ARHGAP44: variants seen among roughly 807,000 people sequenced by gnomAD.
ARHGAP44 encodes Rho GTPase activating protein 44.
Under a neutral mutation model 106.8 loss-of-function variants are expected in ARHGAP44, and 43 were observed. That is an observed-to-expected ratio of 0.40 (90% CI 0.32 to 0.52). The LOEUF is 0.52. Ranked by LOEUF, ARHGAP44 falls within the 20% of genes least tolerant of loss-of-function variation. The pLI is 0.48. For missense variants in ARHGAP44, 866 were observed against 1,050.5 expected (o/e 0.82, Z 2.43); for synonymous variants, 439 against 410.3 (o/e 1.07, Z -0.85).
At position 12,883,530 on chromosome 17, in the gene ARHGAP44, G is replaced by A. The variant is rs548210393; in HGVS notation, c.54-11410G>A. On this transcript the variant is annotated intron_variant, in intron 1 of 20. Transcript: ENST00000379672. ...TTTTTCTAAATATCATTTTGCTACC[G>A]AACAAATTTGATATACAGTATTTTC... Among the ~76,000 whole-genome samples, 16 of 150,802 alleles carry A rather than the reference G, an allele frequency of 1.1e-4. No individual in the cohort carries two copies. In the East Asian group the frequency reaches 1.6e-3, roughly 15 times the overall value.
intron 7 of ARHGAP44, among the ~76,000 whole-genome samples, chr17:12,937,711 A>G (rs549102873): frequency 6.6e-6 from 1 of 152,246 alleles, no homozygotes; most frequent in African/African-American, 2.4e-5. Flanking sequence ...GAAGTCAACA[A>G]TAAAAATCAA....
At chr17:12,812,040 C>T (rs577981220) in intron 1 of ARHGAP44, among the ~76,000 whole-genome samples, 2 of 152,278 alleles carry the variant, frequency 1.3e-5, no homozygotes, top group East Asian at 1.9e-4. Context: ...ACAGGGCCCA[C>T]GAAGCACACA....
At chr17:12,809,111 C>T (rs1487129291) in intron 1 of ARHGAP44, among the ~76,000 whole-genome samples, 1 of 152,138 alleles carries the variant, frequency 6.6e-6, no homozygotes, top group Non-Finnish European at 1.5e-5. Flanking sequence ...ATTCCAGTTC[C>T]CAACAGGTTC....
intron 1 of ARHGAP44, among the ~76,000 whole-genome samples, chr17:12,811,653 C>T (rs922369004): frequency 2.6e-5 from 4 of 152,088 alleles, no homozygotes; most frequent in Admixed American, 6.5e-5. Flanking sequence ...CTTGTTGGGT[C>T]TGTATTAAGT....
In ARHGAP44 at chr17:12,863,237, G is replaced by A. The variant is rs146804526; in HGVS notation, c.54-31703G>A. 1.3e-4 allele frequency among the ~76,000 whole-genome samples: 20 copies of A among 152,174 alleles called. 1 individual carries two copies. Among genetic ancestry groups the A allele is most frequent in the African/African-American group, 4.6e-4 (19 of 41,540 alleles). ...ACAGATGAGGGAACTGAGACCTGGAGAAGCTAAGCATCTTCACTGGAGAAT... is the reference window on the plus strand; with the variant it reads ...ACAGATGAGGGAACTGAGACCTGGAAAAGCTAAGCATCTTCACTGGAGAAT... On this transcript the variant is annotated intron_variant, in intron 1 of 20. Coordinates refer to ENST00000379672, the MANE Select transcript of ARHGAP44 (RefSeq NM_014859.6).
intron 7 of ARHGAP44, among the ~76,000 whole-genome samples, chr17:12,933,010 C>A (rs1188599811): frequency 6.6e-6 from 1 of 152,068 alleles, no homozygotes; most frequent in African/African-American, 2.4e-5. Flanking sequence ...TTCATGAAAC[C>A]CTACATTGTG....
At chr17:12,796,416 G>A (rs1306283765) in intron 1 of ARHGAP44, among the ~76,000 whole-genome samples, 2 of 152,140 alleles carry the variant, frequency 1.3e-5, no homozygotes, top group African/African-American at 4.8e-5. Context: ...AAGAATATGT[G>A]AATTTTTAAG....
At chr17:12,926,378 A>G (rs1218147770) in intron 6 of ARHGAP44, among the ~76,000 whole-genome samples, 1 of 146,296 alleles carries the variant, frequency 6.8e-6, no homozygotes, top group Admixed American at 7.0e-5. Flanking sequence ...AAAAAATTAT[A>G]TATGTATTAT....
At chr17:12,819,195 T>C (rs2034688066) in intron 1 of ARHGAP44, among the ~76,000 whole-genome samples, 1 of 152,100 alleles carries the variant, frequency 6.6e-6, no homozygotes, top group Non-Finnish European at 1.5e-5. Flanking sequence ...TTAGATCATA[T>C]GGCATGTGTT....
At chr17:12,844,016 C>T (rs1363188572) in intron 1 of ARHGAP44, among the ~76,000 whole-genome samples, 1 of 152,096 alleles carries the variant, frequency 6.6e-6, no homozygotes, top group African/African-American at 2.4e-5. Flanking sequence ...TGTCTTCCCT[C>T]AGTGGGTAGC....
At chr17:12,982,049 C>CA (rs1350555749) in intron 19 of ARHGAP44, among the ~76,000 whole-genome samples, 1 of 152,092 alleles carries the variant, frequency 6.6e-6, no homozygotes. Context: ...CACAGCACTA[C>CA]AATACAGGGG....
chr17:12,810,943 G>A (rs2034420509), intron 1 of ARHGAP44, among the ~76,000 whole-genome samples: 1 of 152,060 alleles, frequency 6.6e-6, no homozygotes, highest in Non-Finnish European at 1.5e-5. Flanking sequence ...CAATCAGTTA[G>A]CACATATTTT....
intron 16 of ARHGAP44, among the ~76,000 whole-genome samples, chr17:12,967,440 C>T (rs775397665): frequency 6.6e-6 from 1 of 151,742 alleles, no homozygotes; most frequent in Non-Finnish European, 1.5e-5. Context: ...TGAATTTGTC[C>T]ACGCTCCCCT....
In ARHGAP44 at chr17:12,990,154, G is replaced by A. The variant is rs2040090619; in HGVS notation, c.2440G>A (p.Glu814Lys). 2 of 1,612,556 alleles carry A rather than the reference G, an allele frequency of 1.2e-6. No homozygotes were observed. The highest frequency in any genetic ancestry group is 1.7e-6 in the Non-Finnish European group (2 of 1,179,022). ...TDKRDSEEES[E>K]STAL is the part of the protein sequence containing the mutation. Reference sequence around the variant, plus strand: ...CAAGAGGGACTCGGAGGAGGAGTCTGAGAGCACCGCCCTCTGACATGACAC... The same window carrying A: ...CAAGAGGGACTCGGAGGAGGAGTCTAAGAGCACCGCCCTCTGACATGACAC... The change falls in exon 21 of 21, where the codon GAG becomes AAG. Residue 814 changes from glutamate to lysine, a missense_variant. Around this residue, in one of 2 missense-constraint regions of ARHGAP44, gnomAD observed 418 missense variants for 403.6 expected, o/e 1.04. Coordinates refer to ENST00000379672, the MANE Select transcript of ARHGAP44 (RefSeq NM_014859.6).
chr17:12,909,062 T>A (rs2037645409), intron 4 of ARHGAP44, 89 bp downstream of exon 4: 1 of 1,142,158 alleles, frequency 8.8e-7, no homozygotes, highest in South Asian at 1.6e-5. Context: ...GGGAAGCACC[T>A]GAATTCTCAC....
At chr17:12,908,398 T>C (rs772046633) in intron 3 of ARHGAP44, among the ~76,000 whole-genome samples, 7 of 152,086 alleles carry the variant, frequency 4.6e-5, no homozygotes, top group Non-Finnish European at 8.8e-5. Context: ...GCTTTCACCA[T>C]GTTGGCCAGG....
intron 1 of ARHGAP44, among the ~76,000 whole-genome samples, chr17:12,841,922 A>G (rs565808617): frequency 1.2e-4 from 18 of 152,304 alleles, no homozygotes; most frequent in Non-Finnish European, 2.5e-4. Flanking sequence ...GTTGAAAAAG[A>G]GCTTTCTGGT....
intron 7 of ARHGAP44, among the ~76,000 whole-genome samples, chr17:12,938,362 C>G (rs1269038444): frequency 6.6e-6 from 1 of 151,900 alleles, no homozygotes; most frequent in Non-Finnish European, 1.5e-5. Flanking sequence ...GGAAGAATTA[C>G]TAGAGCTTTG....
intron 1 of ARHGAP44, among the ~76,000 whole-genome samples, chr17:12,803,201 A>G (rs1307369171): frequency 6.6e-6 from 1 of 151,104 alleles, no homozygotes; most frequent in African/African-American, 2.4e-5. Flanking sequence ...CGAACTCCTG[A>G]CCTCAGGTGA....
Sources: gnomAD v4.1 joint callset for allele counts (sites outside exome capture counted in the v4.1 genomes callset) on GRCh38, gnomAD v4.1.1 for gene constraint, gnomAD v4.1.1 regional missense constraint, MANE v1.5 for transcripts, NCBI Gene and HGNC (gene_info 2026-07-23, HGNC 2026-07-21) for gene names.